MCU: variants seen among roughly 807,000 people sequenced by gnomAD.
MCU encodes the protein mitochondrial calcium uniporter, also known as calcium uniporter protein, mitochondrial.
Under a neutral mutation model 45.2 loss-of-function variants are expected in MCU, and 12 were observed. That is an observed-to-expected ratio of 0.27 (90% CI 0.17 to 0.43). The LOEUF (loss-of-function observed/expected upper bound fraction) is 0.43, where lower values mean the gene tolerates loss of function less well. Ranked by LOEUF, MCU falls within the 20% of genes least tolerant of loss-of-function variation. MCU has a pLI of 1.00. For synonymous variants in MCU, 160 were observed against 165.1 expected, an observed-to-expected ratio of 0.97 and a Z score of 0.24; for missense variants, 324 against 436.7, an observed-to-expected ratio of 0.74 and a Z score of 2.30.
At chr10:72,878,111 C>CTTTTTT (rs10715401) in intron 6 of MCU, among the ~76,000 whole-genome samples, 46 of 77,954 alleles carry the variant, frequency 5.9e-4, no homozygotes, top group African/African-American at 8.8e-4. Context: ...AATAATTTTG[C>CTTTTTT]TTTTTTTTTT....
intron 1 of MCU, among the ~76,000 whole-genome samples, chr10:72,826,259 T>C (rs1490703621): frequency 6.6e-6 from 1 of 152,142 alleles, no homozygotes; most frequent in Non-Finnish European, 1.5e-5. Context: ...AGCCATTTTC[T>C]AGAACAAACA....
chr10:72,695,104 C>T (rs924426272), intron 1 of MCU, among the ~76,000 whole-genome samples: 14 of 152,220 alleles, frequency 9.2e-5, no homozygotes, highest in African/African-American at 1.4e-4. Context: ...TATGATTCTT[C>T]GAAGAGGAAC....
intron 2 of MCU, among the ~76,000 whole-genome samples, chr10:72,857,767 G>A (rs1845315468): frequency 6.6e-6 from 1 of 152,094 alleles, no homozygotes; most frequent in Non-Finnish European, 1.5e-5. Context: ...TATTTTGATA[G>A]TTGTTCTACT....
chr10:72,711,410 G>A (rs540147821), intron 1 of MCU, among the ~76,000 whole-genome samples: 2 of 151,858 alleles, frequency 1.3e-5, no homozygotes, highest in South Asian at 4.2e-4. Flanking sequence ...CAGTAGACAT[G>A]AGGTTTTGCC....
chr10:72,774,416 T>C (rs6480643), intron 1 of MCU, among the ~76,000 whole-genome samples: 86,427 of 151,904 alleles, frequency 0.57, 25,910 homozygotes, highest in Non-Finnish European at 0.67. Context: ...ATAATAGACT[T>C]ACTAAAAACA....
chr10:72,747,987 T>C (rs1242299260), intron 1 of MCU, among the ~76,000 whole-genome samples: 1 of 151,642 alleles, frequency 6.6e-6, no homozygotes, highest in Non-Finnish European at 1.5e-5. Context: ...CACTATTCAA[T>C]ATAAAAATTA....
intron 1 of MCU, among the ~76,000 whole-genome samples, chr10:72,804,061 T>C (rs1272633474): frequency 1.3e-5 from 1 of 75,296 alleles, no homozygotes; most frequent in African/African-American, 6.8e-5. Flanking sequence ...TATATATATA[T>C]ATATATATAT....
intron 1 of MCU, among the ~76,000 whole-genome samples, chr10:72,829,059 G>A (rs1324994274): frequency 1.3e-5 from 2 of 152,168 alleles, no homozygotes; most frequent in East Asian, 3.9e-4. Flanking sequence ...CTTGGCTAAT[G>A]CCTGTGATCC....
At chr10:72,815,776 A>G (rs1844616382) in intron 1 of MCU, among the ~76,000 whole-genome samples, 1 of 152,232 alleles carries the variant, frequency 6.6e-6, no homozygotes. Context: ...GAATTCAGAA[A>G]TAAACTGATA....
intron 1 of MCU, among the ~76,000 whole-genome samples, chr10:72,710,635 A>G (rs1461759232): frequency 1.3e-5 from 2 of 151,264 alleles, no homozygotes; most frequent in Admixed American, 6.6e-5. Context: ...ACAAGGACAA[A>G]AATCTTTTAT....
intron 1 of MCU, chr10:72,715,149 C>G: frequency 2.0e-6 from 2 of 984,886 alleles, no homozygotes; most frequent in Non-Finnish European, 2.4e-6. Flanking sequence ...GGCAAGATAC[C>G]GTTTCTACCT....
intron 1 of MCU, among the ~76,000 whole-genome samples, chr10:72,711,708 CTTTTTT>C (rs759213032): frequency 5.2e-5 from 6 of 114,676 alleles, no homozygotes; most frequent in Admixed American, 8.9e-5. Context: ...GACTGTGTTT[CTTTTTT>C]TTTTTTTTTT....
At chr10:72,878,992 G>A (rs1457242987) in intron 6 of MCU, among the ~76,000 whole-genome samples, 4 of 152,146 alleles carry the variant, frequency 2.6e-5, no homozygotes, top group East Asian at 3.8e-4. Flanking sequence ...GACTGGGCGC[G>A]GTGGCTCACA....
intron 2 of MCU, among the ~76,000 whole-genome samples, chr10:72,858,540 A>G (rs1845328359): frequency 6.6e-6 from 1 of 152,188 alleles, no homozygotes; most frequent in African/African-American, 2.4e-5. Context: ...AATGGTGGCT[A>G]GCAAGGAAGG....
chr10:72,730,815 C>T lies in MCU; in HGVS notation c.150+38514C>T, dbSNP rs140095888. 9.8e-5 allele frequency: 15 copies of T among 152,306 alleles called. No individual in the cohort carries two copies. In the East Asian group the frequency reaches 2.9e-3, roughly 29 times the overall value. The allele number at this position is 152,306 out of a possible 1,614,324, so 9.4% of individuals were successfully genotyped here. A position where few individuals can be genotyped will look rare whatever the true frequency, so the allele number is the denominator to read the frequency against. ...AGAAAAGATTATGTATGCAATAGTGCACTGTAAGCCATGCAGCGGTTGATT... is the reference window on the plus strand; with the variant it reads ...AGAAAAGATTATGTATGCAATAGTGTACTGTAAGCCATGCAGCGGTTGATT... On this transcript the variant is annotated intron_variant, in intron 1 of 7. Coordinates refer to ENST00000373053, the MANE Select transcript of MCU (RefSeq NM_138357.3).
At chr10:72,848,897 A>G (rs959874208) in intron 2 of MCU, among the ~76,000 whole-genome samples, 1 of 152,154 alleles carries the variant, frequency 6.6e-6, no homozygotes, top group South Asian at 2.1e-4. Flanking sequence ...TCCAATTACA[A>G]TGTAGCTGAT....
At chr10:72,767,175 G>A (rs1012094506) in intron 1 of MCU, 1 of 151,978 alleles carries the variant, frequency 6.6e-6, no homozygotes, top group East Asian at 1.9e-4. Flanking sequence ...ATGATTTCAT[G>A]TCTTTTTTTT....
chr10:72,833,042 A>G (rs1402551053), intron 1 of MCU, among the ~76,000 whole-genome samples: 1 of 151,858 alleles, frequency 6.6e-6, no homozygotes, highest in African/African-American at 2.4e-5. Flanking sequence ...AAAAGTAATA[A>G]GGGAAAACTA....
chr10:72,858,722 T>C (rs1845330808), intron 2 of MCU, among the ~76,000 whole-genome samples: 1 of 152,206 alleles, frequency 6.6e-6, no homozygotes. Flanking sequence ...GTACTATATA[T>C]ACATGAATTG....
Sources: gnomAD v4.1 joint callset for allele counts (sites outside exome capture counted in the v4.1 genomes callset) on GRCh38, gnomAD v4.1.1 for gene constraint, MANE v1.5 for transcripts, NCBI Gene and HGNC (gene_info 2026-07-23, HGNC 2026-07-21) for gene names.